NXN: variants seen among roughly 807,000 people sequenced by gnomAD.
The protein encoded by NXN is nucleoredoxin 1.
In NXN, 16 loss-of-function variants were observed where a neutral mutation model predicts 48.6. The observed-to-expected ratio is 0.33, with a 90% CI of 0.22 to 0.50. NXN has a LOEUF of 0.50. NXN is among the 20% of genes least tolerant of loss of function. The pLI is 0.98. For synonymous variants in NXN, 281 were observed against 269.6 expected, an observed-to-expected ratio of 1.04 and a Z score of -0.41; for missense variants, 492 against 605.5, an observed-to-expected ratio of 0.81 and a Z score of 1.97.
At chr17:901,055 G>C (rs191528556) in intron 1 of NXN, among the ~76,000 whole-genome samples, 68 of 151,942 alleles carry the variant, frequency 4.5e-4, no homozygotes, top group African/African-American at 1.5e-3. Context: ...CGAGTAGCTG[G>C]GATTGCAGGC....
intron 1 of NXN, among the ~76,000 whole-genome samples, chr17:886,957 G>A (rs1390070669): frequency 2.0e-5 from 3 of 151,920 alleles, no homozygotes; most frequent in Non-Finnish European, 4.4e-5. Flanking sequence ...TCAGATCCAG[G>A]CTGGAGTGCA....
chr17:837,072 G>A (rs551881729), intron 1 of NXN, among the ~76,000 whole-genome samples: 3 of 151,910 alleles, frequency 2.0e-5, no homozygotes, highest in Non-Finnish European at 4.4e-5. Context: ...TCCACCACCC[G>A]GGCTCACGTG....
intron 1 of NXN, among the ~76,000 whole-genome samples, chr17:957,593 C>T (rs2586286): frequency 0.95 from 143,397 of 150,880 alleles, 68,371 homozygotes; most frequent in Middle Eastern, 0.97. Context: ...GATCAAGCCA[C>T]TGCACTCCAG....
intron 1 of NXN, among the ~76,000 whole-genome samples, chr17:847,979 C>T (rs368978391): frequency 5.3e-5 from 8 of 152,058 alleles, no homozygotes; most frequent in African/African-American, 1.9e-4. Context: ...CATCAATTCT[C>T]GTCTCTCTTT....
At chr17:837,785 G>T (rs1002659613) in intron 1 of NXN, among the ~76,000 whole-genome samples, 3 of 152,222 alleles carry the variant, frequency 2.0e-5, no homozygotes, top group African/African-American at 7.2e-5. Context: ...AAGGGAAAGG[G>T]GCCGGGGGTC....
At chr17:897,835 A>G (rs930238850) in intron 1 of NXN, among the ~76,000 whole-genome samples, 1 of 151,994 alleles carries the variant, frequency 6.6e-6, no homozygotes, top group Non-Finnish European at 1.5e-5. Context: ...GCCACCACGC[A>G]TGGCTACTTT....
chr17:814,541 G>A (rs1025100097), intron 5 of NXN, among the ~76,000 whole-genome samples: 10 of 152,152 alleles, frequency 6.6e-5, no homozygotes, highest in African/African-American at 2.4e-4. Flanking sequence ...CGTCTTCCAG[G>A]CCCTCGTACG....
At chr17:810,091 G>GTGTGAGTGGCGTGCACGTTACGAGTCCA (rs1911862417) in intron 5 of NXN, among the ~76,000 whole-genome samples, 1 of 79,994 alleles carries the variant, frequency 1.3e-5, no homozygotes, top group Non-Finnish European at 2.7e-5. Context: ...TTACGAGTCC[G>GTGTGAGTGGCGTGCACGTTACGAGTCCA]TGTGAGTGGC....
At chr17:853,576 A>ACAT (rs2067948142) in intron 1 of NXN, among the ~76,000 whole-genome samples, 2 of 151,552 alleles carry the variant, frequency 1.3e-5, no homozygotes, top group South Asian at 4.2e-4. Flanking sequence ...ATGAGGTCAA[A>ACAT]CATCAGCTCT....
At chr17:875,035 CT>C (rs949191533) in intron 1 of NXN, among the ~76,000 whole-genome samples, 64 of 146,734 alleles carry the variant, frequency 4.4e-4, no homozygotes, top group Middle Eastern at 3.5e-3. Flanking sequence ...TACCTTTTTT[CT>C]TTTTTTTTTT....
chr17:815,850 ACACACCTGTG>A (rs1912442744), intron 5 of NXN, among the ~76,000 whole-genome samples: 1 of 152,252 alleles, frequency 6.6e-6, no homozygotes. Flanking sequence ...CACACTTTGT[ACACACCTGTG>A]CACACACGTG....
In NXN at chr17:917,969, G is replaced by C. The variant is rs1400636885; in HGVS notation, c.360+61350C>G. ...ATGTTTACTGAGCTCGTACTTTATG[G>C]AAGACACATGGCTCACGGCAGGGCC... On this transcript the variant is annotated intron_variant, in intron 1 of 7. Coordinates refer to ENST00000336868, the MANE Select transcript of NXN (RefSeq NM_022463.5). This position sits in a 1 kb window ranked among gnomAD's most constrained non-coding sequence, Gnocchi z 4.5. Among the ~76,000 whole-genome samples, 1 of 152,202 alleles carries C rather than the reference G, an allele frequency of 6.6e-6. No homozygotes were observed. Among genetic ancestry groups the C allele is most frequent in the Non-Finnish European group, 1.5e-5 (1 of 68,044 alleles).
chr17:913,931 GC>G (rs1333635862), intron 1 of NXN, among the ~76,000 whole-genome samples: 1 of 151,804 alleles, frequency 6.6e-6, no homozygotes, highest in African/African-American at 2.4e-5. Context: ...ACAGAGTCTC[GC>G]CCTGTCGCCC....
intron 1 of NXN, among the ~76,000 whole-genome samples, chr17:889,477 G>A (rs140497838): frequency 1.1e-3 from 161 of 152,172 alleles, no homozygotes; most frequent in African/African-American, 2.9e-3. Context: ...CAGGTGGATC[G>A]CCTGAGGTCA....
chr17:815,355 T>C (rs1362031971), intron 5 of NXN, among the ~76,000 whole-genome samples: 3 of 148,254 alleles, frequency 2.0e-5, no homozygotes, highest in Admixed American at 1.3e-4. Context: ...CCCTAAGCTC[T>C]GTAGGTTTTG....
rs147846598 is a variant in NXN, at chr17:956,735, A to G, written c.360+22584T>C. Among the ~76,000 whole-genome samples the G allele has an allele frequency of 6.6e-6, 1 of 152,212 alleles. No individual in the cohort carries two copies. Among genetic ancestry groups the G allele is most frequent in the African/African-American group, 2.4e-5 (1 of 41,542 alleles). ...TGGCCAAGAGCTTTTTATATCAGTC[A>G]TCGTCTTAAACCTCCACCGCAACCT... is the stretch of plus-strand genomic sequence containing the variant. On this transcript the variant is annotated intron_variant, in intron 1 of 7. Coordinates refer to ENST00000336868, the MANE Select transcript of NXN (RefSeq NM_022463.5). The surrounding 1 kb of genome is among the most constrained non-coding windows in gnomAD (Gnocchi z 4.1).
rs150899187 is a variant in NXN, at chr17:951,948, G to A, written c.360+27371C>T. Among the ~76,000 whole-genome samples the A allele has an allele frequency of 3.3e-3, 499 of 152,284 alleles. 4 individuals carry two copies. The highest frequency in any genetic ancestry group is 0.011 in the African/African-American group (466 of 41,572). On this transcript the variant is annotated intron_variant, in intron 1 of 7. Coordinates refer to ENST00000336868, the MANE Select transcript of NXN (RefSeq NM_022463.5). ...CCTGAGTCCTGGAAACCAGGGCCAC[G>A]CAGCTCCCGCCTGCCCTGACCTCAG...
rs569916717 is a variant in NXN, at chr17:867,723, C to T, written c.361-41645G>A. Among the ~76,000 whole-genome samples, 10 of 152,124 alleles carry T rather than the reference C, an allele frequency of 6.6e-5. No homozygotes were observed. The East Asian group carries it at 7.7e-4, about 12-fold the overall frequency. On this transcript the variant is annotated intron_variant, in intron 1 of 7. Transcript: ENST00000336868. ...GGTGGAACACCTGAGGTCAGGAGTT[C>T]GAGACCAGCCTGGCCAACATGGCAA...
chr17:812,755 T>C (rs887808712), intron 5 of NXN, among the ~76,000 whole-genome samples: 12 of 148,152 alleles, frequency 8.1e-5, no homozygotes, highest in African/African-American at 2.8e-4. Flanking sequence ...AGTGAGAGTG[T>C]GCATATGTGT....
Sources: gnomAD v4.1 joint callset for allele counts (sites outside exome capture counted in the v4.1 genomes callset) on GRCh38, gnomAD v4.1.1 for gene constraint, Gnocchi (gnomAD v3.1) non-coding constraint, MANE v1.5 for transcripts, NCBI Gene and HGNC (gene_info 2026-07-23, HGNC 2026-07-21) for gene names.